The following STXBP5 variants were observed in gnomAD, a reference collection of about 807,000 sequenced individuals.
The protein encoded by STXBP5 is syntaxin binding protein 5.
In STXBP5, 50 loss-of-function variants were observed where a neutral mutation model predicts 152.4. The observed-to-expected ratio is 0.33, with a 90% confidence interval of 0.26 to 0.42. STXBP5 has a LOEUF of 0.42. STXBP5 is among the 10% of genes least tolerant of loss of function. The pLI is 1.00. For missense variants in STXBP5, 1,167 were observed against 1,388.6 expected, an observed-to-expected ratio of 0.84 and a Z score of 2.54; for synonymous variants, 492 against 494.7, an observed-to-expected ratio of 0.99 and a Z score of 0.07.
Position 147,385,100 on chromosome 6 carries a change from T to A in STXBP5, c.*345T>A. On this transcript the variant is annotated 3_prime_UTR_variant, in exon 28 of 28. Transcript: ENST00000321680. ...TAAACTTTCATATGCCAAAAGGGTT[T>A]GTGCCGTTTTATCTGCCATCAGTGT... 4.0e-6 allele frequency: 1 copy of A among 248,144 alleles called. No homozygotes were observed. The highest frequency in any genetic ancestry group is 7.7e-6 in the Non-Finnish European group (1 of 130,454). 15.4% of individuals were successfully genotyped at this position (248,144 alleles called of 1,614,324 possible).
At chr6:147,286,529 GT>G (rs1229521539) in intron 8 of STXBP5, among the ~76,000 whole-genome samples, 1 of 152,136 alleles carries the variant, frequency 6.6e-6, no homozygotes, top group East Asian at 1.9e-4. Flanking sequence ...TTATAGCTCA[GT>G]AGAGCTATTA....
rs778980215 is a variant in STXBP5 at position 147,327,192 on chromosome 6, C to A, written c.1996C>A (p.Leu666Met). 6.2e-7 allele frequency: 1 copy of A among 1,614,088 alleles called. No individual in the cohort carries two copies. Among genetic ancestry groups the A allele is most frequent in the South Asian group, 1.1e-5 (1 of 91,070 alleles). ...DYLQKAVLLNLGTIELYGSND... is the reference protein window; with the variant it reads ...DYLQKAVLLNMGTIELYGSND... ...CCTCCAGAAAGCAGTGCTGCTCAAC[C>A]TGGGCACTATTGAATTATATGGCTC... is the stretch of plus-strand genomic sequence containing the variant. Residue 666 changes from leucine (L) to methionine (M), a missense_variant, in exon 18 of 28, where the codon CTG becomes ATG. Physicochemically the swap from Leu to Met is conservative, Grantham distance 15 (BLOSUM62 2). Around this residue, in one of 3 missense-constraint regions of STXBP5, gnomAD observed 833 missense variants for 986.3 expected, o/e 0.84. Coordinates refer to ENST00000321680, the MANE Select transcript of STXBP5 (RefSeq NM_001127715.4).
chr6:147,389,016 G>A lies in STXBP5; in HGVS notation c.*4261G>A, dbSNP rs963306054. 6.6e-6 allele frequency: 1 copy of A among 151,430 alleles called. No individual in the cohort carries two copies. The highest frequency in any genetic ancestry group is 1.5e-5 in the Non-Finnish European group (1 of 67,620). 9.4% of individuals were successfully genotyped at this position (151,430 alleles called of 1,614,324 possible). ...CTGTATTTACTTTGGGGGGAAAAAA[G>A]CACTCCTATATCTTAAATGTCCTTC... On this transcript the variant is annotated 3_prime_UTR_variant, in exon 28 of 28. Coordinates refer to ENST00000321680, the MANE Select transcript of STXBP5 (RefSeq NM_001127715.4).
chr6:147,323,256 A>T (rs1783029809), intron 16 of STXBP5, among the ~76,000 whole-genome samples: 1 of 152,068 alleles, frequency 6.6e-6, no homozygotes, highest in Non-Finnish European at 1.5e-5. Flanking sequence ...AATGTGTTTC[A>T]ATCTCCCTTT....
chr6:147,301,831 A>G (rs1391063624), intron 9 of STXBP5, among the ~76,000 whole-genome samples: 1 of 152,206 alleles, frequency 6.6e-6, no homozygotes, highest in Admixed American at 6.5e-5. Flanking sequence ...GGAGCAATCA[A>G]GCCAGCTCAC....
rs745747987 is a variant in STXBP5, at chr6:147,311,436, A to G, written c.1073-19A>G. The G allele has an allele frequency of 2.6e-5, 41 of 1,605,062 alleles. No homozygotes were observed. Among genetic ancestry groups the G allele is most frequent in the Non-Finnish European group, 3.5e-5 (41 of 1,175,222 alleles). Reference sequence around the variant, plus strand: ...ACTTGCATTTTTGAAACTATAATTCATGCATTGTCCAATTCCAGATTTTCA... The same window carrying G: ...ACTTGCATTTTTGAAACTATAATTCGTGCATTGTCCAATTCCAGATTTTCA... On this transcript the variant is annotated intron_variant, in intron 10 of 27. Transcript: ENST00000321680.
chr6:147,356,983 C>T (rs567145013), intron 22 of STXBP5, among the ~76,000 whole-genome samples: 1 of 152,220 alleles, frequency 6.6e-6, no homozygotes, highest in South Asian at 2.1e-4. Context: ...ATAAATCTGC[C>T]TTCAGCAAGT....
intron 5 of STXBP5, 57 bp downstream of exon 5, chr6:147,260,806 C>A (rs1035376590): frequency 1.3e-6 from 2 of 1,554,034 alleles, no homozygotes; most frequent in African/African-American, 2.8e-5. Context: ...ATAATAATAC[C>A]GTTACATCAT....
chr6:147,368,006 A>G (rs188669090), intron 25 of STXBP5, among the ~76,000 whole-genome samples: 1 of 152,172 alleles, frequency 6.6e-6, no homozygotes, highest in Non-Finnish European at 1.5e-5. Flanking sequence ...TATTAAAGAA[A>G]TTGAAATAGA....
chr6:147,204,824 C>T lies in STXBP5; in HGVS notation c.150+142C>T. The stretch of plus-strand genomic sequence containing the variant: ...TAACTCTAATAAAAGGCTCGCTCCT[C>T]CCTTGGCAAACGTTTCTTCGGTGGG... On this transcript the variant is annotated intron_variant, in intron 1 of 27. Coordinates refer to ENST00000321680, the MANE Select transcript of STXBP5 (RefSeq NM_001127715.4). This position sits in a 1 kb window ranked among gnomAD's most constrained non-coding sequence, Gnocchi z 4.3. The T allele has an allele frequency of 2.0e-6, 2 of 986,242 alleles. No homozygotes were observed. Among genetic ancestry groups the T allele is most frequent in the African/African-American group, 3.4e-5 (2 of 58,718 alleles). The allele number at this position is 986,242 out of a possible 1,614,324, so 61.1% of individuals were successfully genotyped here.
At position 147,390,455 on chromosome 6, in the gene STXBP5, A is replaced by G. The variant is rs1452753302; in HGVS notation, c.*5700A>G. 6.6e-6 allele frequency: 1 copy of G among 151,932 alleles called. No individual in the cohort carries two copies. Among genetic ancestry groups the G allele is most frequent in the African/African-American group, 2.4e-5 (1 of 41,408 alleles). 9.4% of individuals were successfully genotyped at this position (151,932 alleles called of 1,614,324 possible). On this transcript the variant is annotated 3_prime_UTR_variant, in exon 28 of 28. Coordinates refer to ENST00000321680, the MANE Select transcript of STXBP5 (RefSeq NM_001127715.4). The stretch of plus-strand genomic sequence containing the variant: ...CTGATTGGGCAAAATAAAATACTCT[A>G]ATCTCTCCTGAAACTAAACAAGCCC...
intron 2 of STXBP5, among the ~76,000 whole-genome samples, chr6:147,234,378 C>G (rs1164142947): frequency 6.6e-6 from 1 of 151,020 alleles, no homozygotes; most frequent in East Asian, 1.9e-4. Flanking sequence ...TTTTTCTGTT[C>G]TGTTTTGATG....
chr6:147,272,604 T>A (rs189576879), intron 7 of STXBP5, among the ~76,000 whole-genome samples: 2 of 152,174 alleles, frequency 1.3e-5, no homozygotes, highest in Non-Finnish European at 2.9e-5. Context: ...GTTAAAAATT[T>A]AAGATTTTGA....
chr6:147,272,722 A>G (rs1780235408), intron 7 of STXBP5, among the ~76,000 whole-genome samples: 1 of 152,196 alleles, frequency 6.6e-6, no homozygotes, highest in Admixed American at 6.5e-5. Flanking sequence ...AAATGACATA[A>G]CAATTTAGAA....
At chr6:147,294,859 T>G (rs1260900886) in intron 9 of STXBP5, among the ~76,000 whole-genome samples, 1 of 152,184 alleles carries the variant, frequency 6.6e-6, no homozygotes, top group African/African-American at 2.4e-5. Flanking sequence ...TATATTTGTC[T>G]GTATACTGGA....
chr6:147,277,915 C>T, intron 7 of STXBP5, among the ~76,000 whole-genome samples, 166 bp from the exon 8 acceptor site: 1 of 152,024 alleles, frequency 6.6e-6, no homozygotes, highest in East Asian at 1.9e-4. Flanking sequence ...GAAATAAAAT[C>T]TCATTTGTAT....
rs1469929715 is a variant in STXBP5, at chr6:147,363,538, A to G, written c.2749A>G (p.Ile917Val). Reference sequence around the variant, plus strand: ...AATTAGTGAAAACCAGTATGCAGTGATATGTTCTGAAAAGCAAGCAAAAGT... The same window carrying G: ...AATTAGTGAAAACCAGTATGCAGTGGTATGTTCTGAAAAGCAAGCAAAAGT... ...QEISENQYAV[I>V]CSEKQAKVIS... Residue 917 changes from isoleucine to valine, a missense_variant, in exon 24 of 28, where the codon ATA (isoleucine) becomes GTA (valine). By Grantham distance (29) the Ile-to-Val change is conservative. Coordinates refer to ENST00000321680, the MANE Select transcript of STXBP5 (RefSeq NM_001127715.4). 6.2e-7 allele frequency: 1 copy of G among 1,614,118 alleles called. No homozygotes were observed. The highest frequency in any genetic ancestry group is 1.1e-5 in the South Asian group (1 of 91,072).
chr6:147,258,625 G>A (rs1038449083), intron 4 of STXBP5, among the ~76,000 whole-genome samples: 1 of 151,960 alleles, frequency 6.6e-6, no homozygotes, highest in Admixed American at 6.6e-5. Flanking sequence ...AATAGAGACG[G>A]GGTTTCACCG....
At position 147,362,247 on chromosome 6, in the gene STXBP5, T is replaced by A. The variant is rs576603695; in HGVS notation, c.2546-1088T>A. On this transcript the variant is annotated intron_variant, in intron 23 of 27. Transcript: ENST00000321680. ...TCTTCTAAAATGTTTTGAGAAAACA[T>A]CAGGAACTCTTTTTCTTAGAAATAA... 4.6e-5 allele frequency among the ~76,000 whole-genome samples: 7 copies of A among 152,184 alleles called. No homozygotes were observed. In the East Asian group the frequency reaches 1.3e-3, roughly 29 times the overall value.
Sources: allele counts gnomAD v4.1 joint callset (sites outside exome capture counted in the v4.1 genomes callset), GRCh38; gene constraint gnomAD v4.1.1; regional missense constraint gnomAD v4.1.1; non-coding constraint Gnocchi (gnomAD v3.1); transcripts MANE v1.5; gene names NCBI Gene and HGNC (gene_info 2026-07-23, HGNC 2026-07-21).